Variants in BRIP1 observed in about 807,000 individuals in gnomAD.
The protein encoded by BRIP1 is BRCA1 interacting DNA helicase 1.
A neutral mutation model predicts 119.7 loss-of-function variants in BRIP1; 88 were observed. The observed-to-expected ratio is 0.74, with a 90% CI of 0.62 to 0.88. BRIP1 has a LOEUF of 0.88. Among genes scored for constraint, BRIP1 ranks in the 40% least tolerant of loss-of-function variants. The pLI, the probability that BRIP1 is intolerant of heterozygous loss-of-function variation, is 0.00. For missense variants in BRIP1, 1,259 were observed against 1,455.4 expected, an observed-to-expected ratio of 0.87 and a Z score of 2.20; for synonymous variants, 443 against 496.5, an observed-to-expected ratio of 0.89 and a Z score of 1.43.
chr17:61,714,569 A>G (rs2061829213), intron 17 of BRIP1, among the ~76,000 whole-genome samples: 1 of 152,180 alleles, frequency 6.6e-6, no homozygotes, highest in African/African-American at 2.4e-5. Flanking sequence ...TACATTTTAT[A>G]ATGTTCCCAC....
Position 61,720,214 on chromosome 17 carries a change from A to ATAGTTAAC in BRIP1, c.2380-4159_2380-4152dup, listed in dbSNP as rs2061951322. Among the ~76,000 whole-genome samples, 1 of 152,318 alleles carries ATAGTTAAC rather than the reference A, an allele frequency of 6.6e-6. No individual in the cohort carries two copies. Among genetic ancestry groups the ATAGTTAAC allele is most frequent in the East Asian group, 1.9e-4 (1 of 5,186 alleles). On this transcript the variant is annotated intron_variant, in intron 16 of 19. Transcript: ENST00000259008. The surrounding 1 kb of genome is among the most constrained non-coding windows in gnomAD (Gnocchi z 4.3). Reference sequence around the variant, plus strand: ...TCTTTTATACCACAGTAGGATGACTATAGTTAACAATATTACATCATTTCA... The same window carrying ATAGTTAAC: ...TCTTTTATACCACAGTAGGATGACTATAGTTAACTAGTTAACAATATTACATCATTTCA...
rs540016829 is a variant in BRIP1 at position 61,760,713 on chromosome 17, A to C, written c.2097+15688T>G. Among the ~76,000 whole-genome samples the C allele has an allele frequency of 1.3e-5, 2 of 152,062 alleles. No homozygotes were observed. Among genetic ancestry groups the C allele is most frequent in the African/African-American group, 4.8e-5 (2 of 41,554 alleles). On this transcript the variant is annotated intron_variant, in intron 14 of 19. Coordinates refer to ENST00000259008, the MANE Select transcript of BRIP1 (RefSeq NM_032043.3). This position sits in a 1 kb window ranked among gnomAD's most constrained non-coding sequence, Gnocchi z 4.6. Reference sequence around the variant, plus strand: ...ATAAATTCCTAGACACATACAACCTACCAAGACTGCATCATAAAGAAATAG... The same window carrying C: ...ATAAATTCCTAGACACATACAACCTCCCAAGACTGCATCATAAAGAAATAG...
At position 61,801,306 on chromosome 17, in the gene BRIP1, C is replaced by T. The variant is rs2145334012; in HGVS notation, c.1087G>A (p.Asp363Asn). ...TAGTTGTAGGGACAAAATATGATGTCAGCATCTTGTATTAGTTCTCGGGCT... is the reference window on the plus strand; with the variant it reads ...TAGTTGTAGGGACAAAATATGATGTTAGCATCTTGTATTAGTTCTCGGGCT... ...YTARELIQDA[D>N]IIFCPYNYLL... The change falls in exon 8 of 20, where the codon GAC becomes AAC. Residue 363 changes from aspartate (D) to asparagine (N), a missense_variant. Coordinates refer to ENST00000259008, the MANE Select transcript of BRIP1 (RefSeq NM_032043.3). 6.2e-7 allele frequency: 1 copy of T among 1,614,016 alleles called. No homozygotes were observed. The highest frequency in any genetic ancestry group is 2.2e-5 in the East Asian group (1 of 44,874).
chr17:61,738,380 T>A lies in BRIP1; in HGVS notation c.2379+4633A>T, dbSNP rs1174078155. On this transcript the variant is annotated intron_variant, in intron 16 of 19. Coordinates refer to ENST00000259008, the MANE Select transcript of BRIP1 (RefSeq NM_032043.3). This position sits in a 1 kb window ranked among gnomAD's most constrained non-coding sequence, Gnocchi z 4.2. Reference sequence around the variant, plus strand: ...TTTTCTATCCCTTGTCCCTGCAGCTTGAACTATTCTTGTGTCCACTCTACT... The same window carrying A: ...TTTTCTATCCCTTGTCCCTGCAGCTAGAACTATTCTTGTGTCCACTCTACT... Among the ~76,000 whole-genome samples the A allele has an allele frequency of 6.6e-6, 1 of 152,184 alleles. No homozygotes were observed. The highest frequency in any genetic ancestry group is 1.5e-5 in the Non-Finnish European group (1 of 68,036).
chr17:61,843,466 C>T lies in BRIP1; in HGVS notation c.627+3635G>A, dbSNP rs1207800027. ...TTGGAAGTGTGTCCCCTCCAACTCT[C>T]ATGCTGAAATGTGATCCCCCAAGTT... On this transcript the variant is annotated intron_variant, in intron 6 of 19. Coordinates refer to ENST00000259008, the MANE Select transcript of BRIP1 (RefSeq NM_032043.3). This position sits in a 1 kb window ranked among gnomAD's most constrained non-coding sequence, Gnocchi z 5.7. Among the ~76,000 whole-genome samples, 1 of 152,154 alleles carries T rather than the reference C, an allele frequency of 6.6e-6. No homozygotes were observed. The highest frequency in any genetic ancestry group is 2.4e-5 in the African/African-American group (1 of 41,406).
intron 6 of BRIP1, among the ~76,000 whole-genome samples, chr17:61,811,184 T>C (rs1022775874): frequency 6.6e-6 from 1 of 152,178 alleles, no homozygotes; most frequent in Non-Finnish European, 1.5e-5. Flanking sequence ...TGAACTTAAG[T>C]AGACTCCTCA....
At position 61,743,838 on chromosome 17, in the gene BRIP1, C is replaced by G. The variant is rs2077019764; in HGVS notation, c.2257+594G>C. 1.3e-5 allele frequency among the ~76,000 whole-genome samples: 2 copies of G among 152,088 alleles called. No homozygotes were observed. Among genetic ancestry groups the G allele is most frequent in the Non-Finnish European group, 2.9e-5 (2 of 68,024 alleles). On this transcript the variant is annotated intron_variant, in intron 15 of 19. Transcript: ENST00000259008. This position sits in a 1 kb window ranked among gnomAD's most constrained non-coding sequence, Gnocchi z 4.3. The stretch of plus-strand genomic sequence containing the variant: ...AAGTAGTTGGAACTATAGGCACATG[C>G]ACCACACCCTGCTAATGTTTGTACT...
In BRIP1 at chr17:61,746,859, T is replaced by C. The variant is rs950184497; in HGVS notation, c.2098-2268A>G. 1.3e-5 allele frequency among the ~76,000 whole-genome samples: 2 copies of C among 152,026 alleles called. No homozygotes were observed. Among genetic ancestry groups the C allele is most frequent in the East Asian group, 1.9e-4 (1 of 5,178 alleles). On this transcript the variant is annotated intron_variant, in intron 14 of 19. Transcript: ENST00000259008. The surrounding 1 kb of genome is among the most constrained non-coding windows in gnomAD (Gnocchi z 4.9). Reference sequence around the variant, plus strand: ...GATGGACCTGACATATATAGAACATTTTACCCAACAGCAGCAAAATACATA... The same window carrying C: ...GATGGACCTGACATATATAGAACATCTTACCCAACAGCAGCAAAATACATA...
In BRIP1 at chr17:61,753,539, A is replaced by C. The variant is rs1567789148; in HGVS notation, c.2098-8948T>G. On this transcript the variant is annotated intron_variant, in intron 14 of 19. Coordinates refer to ENST00000259008, the MANE Select transcript of BRIP1 (RefSeq NM_032043.3). This position sits in a 1 kb window ranked among gnomAD's most constrained non-coding sequence, Gnocchi z 4.6. ...CTAAAAAAGAATGTATAGAGATGAG[A>C]TTGCCTAGTGGGAGAGTACAGATTT... 6.6e-6 allele frequency among the ~76,000 whole-genome samples: 1 copy of C among 151,896 alleles called. No individual in the cohort carries two copies. Among genetic ancestry groups the C allele is most frequent in the Non-Finnish European group, 1.5e-5 (1 of 67,980 alleles).
At position 61,769,494 on chromosome 17, in the gene BRIP1, G is replaced by A. The variant is rs1349231934; in HGVS notation, c.2097+6907C>T. On this transcript the variant is annotated intron_variant, in intron 14 of 19. Transcript: ENST00000259008. The surrounding 1 kb of genome is among the most constrained non-coding windows in gnomAD (Gnocchi z 4.9). ...AATAACTGTAGTCACTGTACTATGT[G>A]AGAATTGACAACGGTACTGACAAAA... 1.3e-5 allele frequency among the ~76,000 whole-genome samples: 2 copies of A among 152,110 alleles called. No homozygotes were observed. Among genetic ancestry groups the A allele is most frequent in the East Asian group, 3.9e-4 (2 of 5,190 alleles).
chr17:61,692,849 G>A (rs1041938176), intron 18 of BRIP1, among the ~76,000 whole-genome samples: 27 of 152,066 alleles, frequency 1.8e-4, no homozygotes, highest in Non-Finnish European at 7.4e-5. Context: ...ATGATGATTC[G>A]CCAAATCCTA....
intron 14 of BRIP1, among the ~76,000 whole-genome samples, chr17:61,765,705 G>T (rs1446691509): frequency 6.6e-6 from 1 of 150,860 alleles, no homozygotes; most frequent in Non-Finnish European, 1.5e-5. Context: ...AAAGTGCTGG[G>T]ATTACAGGCA....
intron 16 of BRIP1, among the ~76,000 whole-genome samples, chr17:61,731,981 CTTTTTTTTTT>C (rs71299809): frequency 2.4e-5 from 2 of 83,008 alleles, no homozygotes; most frequent in Non-Finnish European, 4.4e-5. Context: ...TTCTTTCTTT[CTTTTTTTTTT>C]TTTTTTTTTT....
intron 16 of BRIP1, among the ~76,000 whole-genome samples, chr17:61,727,770 GTC>G (rs113514842): frequency 0.24 from 33,617 of 139,506 alleles, 4,216 homozygotes; most frequent in Admixed American, 0.4. Flanking sequence ...CTGTCTGTCT[GTC>G]TCTCTCTCTC....
intron 6 of BRIP1, among the ~76,000 whole-genome samples, chr17:61,820,720 G>C (rs2078307633): frequency 1.3e-5 from 2 of 152,038 alleles, no homozygotes; most frequent in Non-Finnish European, 2.9e-5. Context: ...GAGACCGAGG[G>C]GAGTGGATCA....
rs1316807116 is a variant in BRIP1, at chr17:61,753,486, T to C, written c.2098-8895A>G. 1.3e-5 allele frequency among the ~76,000 whole-genome samples: 2 copies of C among 152,032 alleles called. No individual in the cohort carries two copies. The highest frequency in any genetic ancestry group is 3.8e-4 in the East Asian group (2 of 5,198). Reference sequence around the variant, plus strand: ...AGGAAGAAGTCAGAATTTAATTATATATTAGGAAAGCATGACAAAAGATAA... The same window carrying C: ...AGGAAGAAGTCAGAATTTAATTATACATTAGGAAAGCATGACAAAAGATAA... On this transcript the variant is annotated intron_variant, in intron 14 of 19. Coordinates refer to ENST00000259008, the MANE Select transcript of BRIP1 (RefSeq NM_032043.3). This position sits in a 1 kb window ranked among gnomAD's most constrained non-coding sequence, Gnocchi z 4.6.
In BRIP1 at chr17:61,754,865, G is replaced by A. The variant is rs558175774; in HGVS notation, c.2098-10274C>T. ...TAAGAACACTAATCCTATCAGATAA[G>A]GAAGGCCCTTACAGCCTCATTTAAC... On this transcript the variant is annotated intron_variant, in intron 14 of 19. Transcript: ENST00000259008. This position sits in a 1 kb window ranked among gnomAD's most constrained non-coding sequence, Gnocchi z 4.1. Among the ~76,000 whole-genome samples the A allele has an allele frequency of 2.0e-5, 3 of 152,242 alleles. No homozygotes were observed. The highest frequency in any genetic ancestry group is 4.4e-5 in the Non-Finnish European group (3 of 68,016).
chr17:61,734,222 T>C lies in BRIP1; in HGVS notation c.2379+8791A>G, dbSNP rs1316133304. 1.3e-5 allele frequency among the ~76,000 whole-genome samples: 2 copies of C among 152,192 alleles called. No individual in the cohort carries two copies. Among genetic ancestry groups the C allele is most frequent in the African/African-American group, 4.8e-5 (2 of 41,442 alleles). Reference sequence around the variant, plus strand: ...TAGATCACAGTAATTGGCCAGAGGATTTGCTTTAGATATCCATTAAAAAGG... The same window carrying C: ...TAGATCACAGTAATTGGCCAGAGGACTTGCTTTAGATATCCATTAAAAAGG... On this transcript the variant is annotated intron_variant, in intron 16 of 19. Transcript: ENST00000259008. The surrounding 1 kb of genome is among the most constrained non-coding windows in gnomAD (Gnocchi z 5.2).
Position 61,831,009 on chromosome 17 carries a change from T to C in BRIP1, c.627+16092A>G, listed in dbSNP as rs2078485189. Among the ~76,000 whole-genome samples, 1 of 152,150 alleles carries C rather than the reference T, an allele frequency of 6.6e-6. No homozygotes were observed. ...TGTAATTTACCATATCAACAGGATA[T>C]AGGAGAAAAAACATATAATCCTACC... On this transcript the variant is annotated intron_variant, in intron 6 of 19. Coordinates refer to ENST00000259008, the MANE Select transcript of BRIP1 (RefSeq NM_032043.3). This position sits in a 1 kb window ranked among gnomAD's most constrained non-coding sequence, Gnocchi z 4.1.
Sources: allele counts gnomAD v4.1 joint callset (sites outside exome capture counted in the v4.1 genomes callset), GRCh38; gene constraint gnomAD v4.1.1; non-coding constraint Gnocchi (gnomAD v3.1); transcripts MANE v1.5; gene names NCBI Gene and HGNC (gene_info 2026-07-23, HGNC 2026-07-21).